The following GPHN variants were observed in gnomAD, a reference collection of about 807,000 sequenced individuals.
GPHN encodes gephyrin.
Under a neutral mutation model 95.5 loss-of-function variants are expected in GPHN, and 17 were observed. The ratio of observed to expected loss-of-function variants is 0.18; its 90% confidence interval spans 0.12 to 0.27. The LOEUF (loss-of-function observed/expected upper bound fraction) is 0.27, where lower values mean the gene tolerates loss of function less well. GPHN is among the 10% of genes least tolerant of loss of function. The pLI is 1.00. For missense variants in GPHN, 660 were observed against 978.1 expected, an observed-to-expected ratio of 0.67 and a Z score of 4.34; for synonymous variants, 320 against 322.5, an observed-to-expected ratio of 0.99 and a Z score of 0.08.
the GPHN span, among the ~76,000 whole-genome samples, chr14:67,696,678 T>G: frequency 3.0e-4 from 46 of 152,326 alleles, 1 homozygote; most frequent in African/African-American, 1.1e-3. Context: ...TGTCTTGAAT[T>G]AAGGCCATGA....
At chr14:67,012,491 C>T (rs1005956951) in intron 9 of GPHN, among the ~76,000 whole-genome samples, 3 of 152,222 alleles carry the variant, frequency 2.0e-5, no homozygotes, top group African/African-American at 7.2e-5. Context: ...CCTTTCTGAC[C>T]AATTACAACA....
intron 1 of GPHN, among the ~76,000 whole-genome samples, chr14:66,571,186 C>A (rs2060675578): frequency 6.6e-6 from 1 of 152,112 alleles, no homozygotes; most frequent in Non-Finnish European, 1.5e-5. Flanking sequence ...AAGCAAAGAC[C>A]TTCTTCACGT....
intron 8 of GPHN, among the ~76,000 whole-genome samples, chr14:66,928,096 G>C (rs1216973295): frequency 6.6e-6 from 1 of 152,160 alleles, no homozygotes; most frequent in East Asian, 1.9e-4. Context: ...TTTCAGAATA[G>C]TTTGAGTAGG....
intron 1 of GPHN, among the ~76,000 whole-genome samples, chr14:66,643,501 G>C (rs923405867): frequency 1.3e-5 from 2 of 152,014 alleles, no homozygotes; most frequent in Non-Finnish European, 2.9e-5. Context: ...TAGTAGAATG[G>C]ATAACTAAAT....
At chr14:67,598,713 C>CT in the GPHN span, among the ~76,000 whole-genome samples, 1,437 of 144,356 alleles carry the variant, frequency 1.0e-2, 37 homozygotes, top group African/African-American at 0.035. Context: ...TATGAACAAA[C>CT]TTTTTTTTTT....
intron 9 of GPHN, among the ~76,000 whole-genome samples, chr14:66,976,220 C>T (rs143798216): frequency 1.7e-3 from 263 of 152,154 alleles, no homozygotes; most frequent in African/African-American, 6.0e-3. Context: ...TGATTTCTCT[C>T]GATATCCACT....
At chr14:66,903,709 A>T (rs746827782) in intron 5 of GPHN, among the ~76,000 whole-genome samples, 3 of 151,030 alleles carry the variant, frequency 2.0e-5, no homozygotes, top group Non-Finnish European at 3.0e-5. Context: ...TTGTTTTATA[A>T]CTCCTTTCTC....
At chr14:66,725,304 A>G (rs954207964) in intron 2 of GPHN, among the ~76,000 whole-genome samples, 2 of 152,210 alleles carry the variant, frequency 1.3e-5, no homozygotes, top group African/African-American at 4.8e-5. Context: ...TGTCAAGTTT[A>G]AGGTGTATGT....
chr14:67,070,374 G>GTAAC (rs1225777663), intron 11 of GPHN, among the ~76,000 whole-genome samples: 5 of 147,796 alleles, frequency 3.4e-5, no homozygotes, highest in African/African-American at 1.2e-4. Context: ...ATCACAACTT[G>GTAAC]TAACTAATCA....
chr14:67,243,489 ATTT>A, the GPHN span, among the ~76,000 whole-genome samples: 7 of 100,276 alleles, frequency 7.0e-5, no homozygotes, highest in African/African-American at 2.4e-4. Flanking sequence ...CCAGAATATA[ATTT>A]TTTTTTTTTT....
intron 17 of GPHN, among the ~76,000 whole-genome samples, chr14:67,122,779 G>A (rs2079084134): frequency 6.6e-6 from 1 of 152,160 alleles, no homozygotes; most frequent in Admixed American, 6.5e-5. Context: ...TGAAATTTAA[G>A]TACAATTTTT....
Position 67,123,223 on chromosome 14 carries a change from A to G in GPHN, c.1748+846A>G, listed in dbSNP as rs188492658. 6.5e-4 allele frequency among the ~76,000 whole-genome samples: 99 copies of G among 152,336 alleles called. 1 individual carries two copies. The highest frequency in any genetic ancestry group is 2.2e-3 in the African/African-American group (93 of 41,578). ...TCTTATCACTACCTCATCACTGTGT[A>G]GACCTCATTAAGCATGGATCCTTCT... On this transcript the variant is annotated intron_variant, in intron 17 of 22. Coordinates refer to ENST00000478722, the MANE Select transcript of GPHN (RefSeq NM_020806.5).
At chr14:66,918,926 T>G (rs1368486478) in intron 6 of GPHN, among the ~76,000 whole-genome samples, 1 of 152,184 alleles carries the variant, frequency 6.6e-6, no homozygotes, top group Admixed American at 6.5e-5. Flanking sequence ...AGATTTTTTT[T>G]TTTACATCTT....
the GPHN span, among the ~76,000 whole-genome samples, chr14:67,347,803 A>G: frequency 0.16 from 23,612 of 151,958 alleles, 3,474 homozygotes; most frequent in East Asian, 0.42. Context: ...CCTGGCCTAA[A>G]TTCTGTTTCT....
chr14:67,590,213 T>C, the GPHN span: 2 of 1,507,170 alleles, frequency 1.3e-6, no homozygotes, highest in South Asian at 1.2e-5. Context: ...AAGGTGAGAA[T>C]ATAAGGGAGT....
intron 5 of GPHN, among the ~76,000 whole-genome samples, chr14:66,890,223 A>G (rs953622381): frequency 3.3e-5 from 5 of 152,082 alleles, no homozygotes; most frequent in African/African-American, 1.2e-4. Context: ...CCTGGGCAAC[A>G]TGGCAAAACC....
chr14:66,934,167 G>A (rs1297289593), intron 8 of GPHN, among the ~76,000 whole-genome samples: 1 of 148,930 alleles, frequency 6.7e-6, no homozygotes, highest in African/African-American at 2.5e-5. Flanking sequence ...AGAGTTCACA[G>A]CCTAGCTGAA....
the GPHN span, among the ~76,000 whole-genome samples, chr14:67,712,248 CT>C: frequency 0.12 from 18,824 of 152,110 alleles, 1,199 homozygotes; most frequent in Admixed American, 0.15. Flanking sequence ...AACTGGATCT[CT>C]GAGCTCTGGG....
chr14:67,201,956 C>A, the GPHN span, among the ~76,000 whole-genome samples: 1 of 152,120 alleles, frequency 6.6e-6, no homozygotes, highest in Non-Finnish European at 1.5e-5. Flanking sequence ...TTTATACATG[C>A]TGTTCCTCTG....
Sources: allele counts gnomAD v4.1 joint callset (sites outside exome capture counted in the v4.1 genomes callset), GRCh38; gene constraint gnomAD v4.1.1; transcripts MANE v1.5; gene names NCBI Gene and HGNC (gene_info 2026-07-23, HGNC 2026-07-21).